Variants in CSTPP1 observed in about 807,000 individuals in gnomAD.
CSTPP1 encodes the protein UPF0705 protein C11orf49.
chr11:47,126,206 G>T, the CSTPP1 span, among the ~76,000 whole-genome samples: 8 of 152,086 alleles, frequency 5.3e-5, no homozygotes, highest in Non-Finnish European at 1.2e-4. Flanking sequence ...AATAGAAAGG[G>T]CCTGTCAGTT....
At chr11:47,019,101 AG>A in the CSTPP1 span, among the ~76,000 whole-genome samples, 1 of 151,758 alleles carries the variant, frequency 6.6e-6, no homozygotes, top group East Asian at 1.9e-4. Context: ...TCTGCCTCCC[AG>A]GTTCAAGCAA....
the CSTPP1 span, among the ~76,000 whole-genome samples, chr11:47,003,723 T>C: frequency 6.6e-6 from 1 of 152,262 alleles, no homozygotes; most frequent in Non-Finnish European, 1.5e-5. Flanking sequence ...ACAGTTCTAG[T>C]ATTGCTGAGT....
At chr11:46,978,167 T>C in the CSTPP1 span, among the ~76,000 whole-genome samples, 1 of 152,128 alleles carries the variant, frequency 6.6e-6, no homozygotes, top group African/African-American at 2.4e-5. Flanking sequence ...GATAAATGAG[T>C]CATGGTGCCT....
At chr11:47,005,722 G>T in the CSTPP1 span, among the ~76,000 whole-genome samples, 1 of 152,084 alleles carries the variant, frequency 6.6e-6, no homozygotes, top group Non-Finnish European at 1.5e-5. Context: ...ATGAGATCTT[G>T]GGCAGATTGC....
At chr11:46,996,452 C>T in the CSTPP1 span, among the ~76,000 whole-genome samples, 96 of 152,100 alleles carry the variant, frequency 6.3e-4, no homozygotes, top group African/African-American at 2.1e-3. Flanking sequence ...TACAGGCACG[C>T]GCCACCATGC....
chr11:46,942,643 GT>G, the CSTPP1 span, among the ~76,000 whole-genome samples: 1 of 149,278 alleles, frequency 6.7e-6, no homozygotes, highest in Non-Finnish European at 1.5e-5. Flanking sequence ...AAATTGGGTA[GT>G]TTTTTTTTTA....
chr11:47,147,688 A>G, the CSTPP1 span, among the ~76,000 whole-genome samples: 3 of 152,194 alleles, frequency 2.0e-5, no homozygotes, highest in Non-Finnish European at 4.4e-5. Context: ...AAGTGGCTGC[A>G]GGTGGTCTCG....
the CSTPP1 span, among the ~76,000 whole-genome samples, chr11:47,141,948 A>C: frequency 4.7e-5 from 7 of 149,570 alleles, no homozygotes; most frequent in Non-Finnish European, 5.9e-5. Context: ...AAAAAAAAAA[A>C]AAAAAAAAAA....
the CSTPP1 span, among the ~76,000 whole-genome samples, chr11:46,961,123 A>G: frequency 6.6e-6 from 1 of 152,110 alleles, no homozygotes; most frequent in Non-Finnish European, 1.5e-5. Context: ...TGGTAACTCT[A>G]TGTTTAACTT....
At chr11:46,962,285 A>C in the CSTPP1 span, among the ~76,000 whole-genome samples, 4 of 152,178 alleles carry the variant, frequency 2.6e-5, no homozygotes, top group Admixed American at 2.0e-4. Context: ...ATTATATTTC[A>C]TTGGTTTCTA....
the CSTPP1 span, among the ~76,000 whole-genome samples, chr11:47,145,295 G>A: frequency 6.6e-6 from 1 of 152,008 alleles, no homozygotes; most frequent in Non-Finnish European, 1.5e-5. Flanking sequence ...TGTATTGCCT[G>A]CATTCTTATT....
the CSTPP1 span, among the ~76,000 whole-genome samples, chr11:47,076,919 A>G: frequency 6.6e-6 from 1 of 151,598 alleles, no homozygotes; most frequent in African/African-American, 2.4e-5. Flanking sequence ...GGGTTGAAAG[A>G]TCAAGAAATT....
At chr11:47,034,485 C>G in the CSTPP1 span, among the ~76,000 whole-genome samples, 1 of 146,100 alleles carries the variant, frequency 6.8e-6, no homozygotes, top group Non-Finnish European at 1.5e-5. Context: ...CCTTTTTCCT[C>G]AATGATTTTT....
the CSTPP1 span, among the ~76,000 whole-genome samples, chr11:47,056,206 G>A: frequency 1.3e-5 from 2 of 151,996 alleles, no homozygotes; most frequent in Non-Finnish European, 2.9e-5. Context: ...GTGTATTTTC[G>A]ATCCATATTT....
chr11:46,937,582 A>G, the CSTPP1 span, among the ~76,000 whole-genome samples: 1 of 152,178 alleles, frequency 6.6e-6, no homozygotes, highest in Non-Finnish European at 1.5e-5. Flanking sequence ...ATTTTATTTT[A>G]TTTTTGAGAC....
At chr11:47,142,491 G>T in the CSTPP1 span, among the ~76,000 whole-genome samples, 1 of 152,112 alleles carries the variant, frequency 6.6e-6, no homozygotes, top group African/African-American at 2.4e-5. Flanking sequence ...TCATGAATAA[G>T]ATATAGTTCC....
At chr11:47,049,857 G>T in the CSTPP1 span, among the ~76,000 whole-genome samples, 1 of 151,896 alleles carries the variant, frequency 6.6e-6, no homozygotes, top group Non-Finnish European at 1.5e-5. Context: ...AACAGGGAGG[G>T]TAGAAAAGAA....
the CSTPP1 span, among the ~76,000 whole-genome samples, chr11:47,122,069 C>CAAAAA: frequency 0.043 from 939 of 21,980 alleles, 136 homozygotes; most frequent in Non-Finnish European, 0.052. Context: ...GACCCTGTCT[C>CAAAAA]AAAAAAAAAA....
the CSTPP1 span, among the ~76,000 whole-genome samples, chr11:47,120,119 C>G: frequency 0.33 from 50,407 of 151,968 alleles, 8,918 homozygotes; most frequent in East Asian, 0.71. This position sits in a 1 kb window ranked among gnomAD's most constrained non-coding sequence, Gnocchi z 4.2. Context: ...ACTCTCTTGA[C>G]CCCAGGGATT....
Sources: gnomAD v4.1 joint callset for allele counts (sites outside exome capture counted in the v4.1 genomes callset) on GRCh38, gnomAD v4.1.1 for gene constraint, Gnocchi (gnomAD v3.1) non-coding constraint, MANE v1.5 for transcripts, NCBI Gene and HGNC (gene_info 2026-07-23, HGNC 2026-07-21) for gene names.